The following THSD7A variants were observed in gnomAD, a reference collection of about 807,000 sequenced individuals.
THSD7A encodes thrombospondin type 1 domain containing 7A, also known as thrombospondin type-1 domain-containing protein 7A.
A neutral mutation model predicts 231.3 loss-of-function variants in THSD7A; 96 were observed. That is an observed-to-expected ratio of 0.41 (90% CI 0.35 to 0.49). The LOEUF (loss-of-function observed/expected upper bound fraction) is 0.49, where lower values mean the gene tolerates loss of function less well. Ranked by LOEUF, THSD7A falls within the 20% of genes least tolerant of loss-of-function variation. The probability of loss-of-function intolerance (pLI) is 0.05; values close to 1 mark genes in which losing one functional copy is unlikely to be tolerated. For missense variants in THSD7A, 2,290 were observed against 2,070.2 expected (o/e 1.11, Z -2.06); for synonymous variants, 940 against 743.3 (o/e 1.26, Z -4.30).
intron 1 of THSD7A, among the ~76,000 whole-genome samples, chr7:11,718,860 T>G (rs1781240620): frequency 1.3e-5 from 2 of 151,652 alleles, no homozygotes; most frequent in South Asian, 4.1e-4. Flanking sequence ...TGAATTTTAT[T>G]ACAGTATTTT....
At position 11,600,601 on chromosome 7, in the gene THSD7A, T is replaced by C. The variant is rs577087834; in HGVS notation, c.1023-7099A>G. Among the ~76,000 whole-genome samples, 3 of 152,308 alleles carry C rather than the reference T, an allele frequency of 2.0e-5. No homozygotes were observed. In the South Asian group the frequency reaches 6.2e-4, roughly 32 times the overall value. On this transcript the variant is annotated intron_variant, in intron 2 of 27. Coordinates refer to ENST00000423059, the MANE Select transcript of THSD7A (RefSeq NM_015204.3). ...AATTGGATGGACTTGTGTTGATTTG[T>C]AGTTTAACTCTTGCGCATTCTCAAT...
chr7:11,381,870 T>C (rs1265553604), intron 24 of THSD7A, among the ~76,000 whole-genome samples: 1 of 152,144 alleles, frequency 6.6e-6, no homozygotes, highest in African/African-American at 2.4e-5. Context: ...GATAGGCTTT[T>C]AGTAATTCCA....
intron 2 of THSD7A, among the ~76,000 whole-genome samples, chr7:11,617,815 C>G (rs1393056911): frequency 6.6e-6 from 1 of 152,030 alleles, no homozygotes; most frequent in Non-Finnish European, 1.5e-5. Context: ...GGAAGGGGAA[C>G]AACACACACT....
Position 11,406,830 on chromosome 7 carries a change from C to T in THSD7A, c.4062+80G>A. 4 of 1,490,170 alleles carry T rather than the reference C, an allele frequency of 2.7e-6. No individual in the cohort carries two copies. In the East Asian group the frequency reaches 9.3e-5, roughly 35 times the overall value. The allele number at this position is 1,490,170 out of a possible 1,614,324, so 92.3% of individuals were successfully genotyped here. On this transcript the variant is annotated intron_variant, in intron 21 of 27. Transcript: ENST00000423059. The surrounding 1 kb of genome is among the most constrained non-coding windows in gnomAD (Gnocchi z 4.7). ...TGAGCTCTGAAACATATTTCTAACA[C>T]ATTATTTTTATGTTTTTCTGCAGAT...
rs1257899333 is a variant in THSD7A, at chr7:11,460,769, C to T, written c.2502-4G>A. ...GCGCCATTTGTGAGTCTTCCACCTA[C>T]AAGACAGGAACAGAAGCCCAGTGGG... is the stretch of plus-strand genomic sequence containing the variant. On this transcript the variant is annotated splice_region_variant and splice_polypyrimidine_tract_variant and intron_variant, in intron 10 of 27. Coordinates refer to ENST00000423059, the MANE Select transcript of THSD7A (RefSeq NM_015204.3). The T allele has an allele frequency of 1.9e-6, 3 of 1,609,818 alleles. No homozygotes were observed. The highest frequency in any genetic ancestry group is 1.6e-4 in the Middle Eastern group (1 of 6,072).
chr7:11,671,591 A>C (rs2883565), intron 1 of THSD7A, among the ~76,000 whole-genome samples: 115,825 of 152,058 alleles, frequency 0.76, 44,822 homozygotes, highest in African/African-American at 0.9. Flanking sequence ...TACATAAAAT[A>C]ATCTTTGTTG....
intron 9 of THSD7A, among the ~76,000 whole-genome samples, chr7:11,464,767 T>C (rs1365615051): frequency 6.6e-6 from 1 of 152,148 alleles, no homozygotes; most frequent in East Asian, 1.9e-4. Flanking sequence ...TTCAAAGATA[T>C]GACACCCAGA....
Position 11,823,079 on chromosome 7 carries a change from G to C in THSD7A, c.190+8678C>G, listed in dbSNP as rs147180742. Among the ~76,000 whole-genome samples the C allele has an allele frequency of 4.6e-5, 7 of 152,146 alleles. No individual in the cohort carries two copies. In the East Asian group the frequency reaches 1.4e-3, roughly 29 times the overall value. On this transcript the variant is annotated intron_variant, in intron 1 of 27. Transcript: ENST00000423059. Reference sequence around the variant, plus strand: ...TAGGTTTTCTTCTAGTATTCTTATAGTTAGGGGTCTTATGCTTAAGATGTT... The same window carrying C: ...TAGGTTTTCTTCTAGTATTCTTATACTTAGGGGTCTTATGCTTAAGATGTT...
intron 13 of THSD7A, among the ~76,000 whole-genome samples, chr7:11,438,989 A>AT (rs1258894024): frequency 6.6e-6 from 1 of 151,944 alleles, no homozygotes; most frequent in Non-Finnish European, 1.5e-5. Flanking sequence ...AATTTTAATA[A>AT]TTTTTTTCTT....
chr7:11,476,552 C>T (rs541363047), intron 7 of THSD7A, among the ~76,000 whole-genome samples: 178 of 152,162 alleles, frequency 1.2e-3, no homozygotes, highest in Admixed American at 2.0e-3. Context: ...TACAGTGGCT[C>T]GTGCCTGTAC....
At chr7:11,683,508 C>T (rs1262344855) in intron 1 of THSD7A, among the ~76,000 whole-genome samples, 1 of 151,762 alleles carries the variant, frequency 6.6e-6, no homozygotes, top group Non-Finnish European at 1.5e-5. Context: ...AAAGAAGATA[C>T]AAATAAATAC....
intron 2 of THSD7A, among the ~76,000 whole-genome samples, chr7:11,597,587 G>A (rs938698204): frequency 2.0e-5 from 3 of 152,128 alleles, no homozygotes; most frequent in Non-Finnish European, 4.4e-5. Context: ...CTAGGATTTT[G>A]GAACAAGGCC....
At chr7:11,827,737 C>G (rs1439671794) in intron 1 of THSD7A, among the ~76,000 whole-genome samples, 2 of 152,208 alleles carry the variant, frequency 1.3e-5, no homozygotes, top group African/African-American at 4.8e-5. Context: ...TAAACTGAGT[C>G]ACCCATTCAC....
intron 11 of THSD7A, among the ~76,000 whole-genome samples, chr7:11,451,304 T>C (rs17164575): frequency 0.048 from 7,323 of 152,052 alleles, 539 homozygotes; most frequent in African/African-American, 0.16. Flanking sequence ...GGAGAAAAAT[T>C]ATTAGATAAA....
rs1299651714 is a variant in THSD7A at position 11,374,548 on chromosome 7, T to A, written c.*1246A>T. On this transcript the variant is annotated 3_prime_UTR_variant, in exon 28 of 28. Coordinates refer to ENST00000423059, the MANE Select transcript of THSD7A (RefSeq NM_015204.3). ...AAATCAACATATAATTTTGATTTCC[T>A]TTAGTTACAAAGGTCATTGATACAT... 2 of 152,084 alleles carry A rather than the reference T, an allele frequency of 1.3e-5. No individual in the cohort carries two copies. The highest frequency in any genetic ancestry group is 4.8e-5 in the African/African-American group (2 of 41,432). 9.4% of individuals were successfully genotyped at this position (152,084 alleles called of 1,614,324 possible). A position where few individuals can be genotyped will look rare whatever the true frequency, so the allele number is the denominator to read the frequency against.
rs889851988 is a variant in THSD7A, at chr7:11,411,835, T to C, written c.3683-513A>G. ...TTGGCCATATTTATTCATTCTCTTATGTCTTTCGTAAGAAGACATAAAAGA... is the reference window on the plus strand; with the variant it reads ...TTGGCCATATTTATTCATTCTCTTACGTCTTTCGTAAGAAGACATAAAAGA... On this transcript the variant is annotated intron_variant, in intron 18 of 27. Transcript: ENST00000423059. The surrounding 1 kb of genome is among the most constrained non-coding windows in gnomAD (Gnocchi z 4.1). Among the ~76,000 whole-genome samples the C allele has an allele frequency of 6.6e-6, 1 of 152,082 alleles. No homozygotes were observed. Among genetic ancestry groups the C allele is most frequent in the Non-Finnish European group, 1.5e-5 (1 of 68,006 alleles).
At chr7:11,807,506 A>G (rs548815231) in intron 1 of THSD7A, among the ~76,000 whole-genome samples, 1 of 152,282 alleles carries the variant, frequency 6.6e-6, no homozygotes, top group East Asian at 1.9e-4. Context: ...GTAAAATTAT[A>G]AAACAAATTA....
At chr7:11,728,211 T>C (rs1781610399) in intron 1 of THSD7A, among the ~76,000 whole-genome samples, 1 of 152,002 alleles carries the variant, frequency 6.6e-6, no homozygotes, top group African/African-American at 2.4e-5. Flanking sequence ...CATTAAGCAG[T>C]ATTAATTTTT....
intron 1 of THSD7A, among the ~76,000 whole-genome samples, chr7:11,745,281 G>A (rs550900554): frequency 6.6e-6 from 1 of 152,112 alleles, no homozygotes; most frequent in African/African-American, 2.4e-5. Context: ...CCCACTTTTT[G>A]ATGGGGTTGT....
Sources: gnomAD v4.1 joint callset for allele counts (sites outside exome capture counted in the v4.1 genomes callset) on GRCh38, gnomAD v4.1.1 for gene constraint, Gnocchi (gnomAD v3.1) non-coding constraint, MANE v1.5 for transcripts, NCBI Gene and HGNC (gene_info 2026-07-23, HGNC 2026-07-21) for gene names.